The following GRM8 variants were observed in gnomAD, a reference collection of about 807,000 sequenced individuals.
The protein encoded by GRM8 is metabotropic glutamate receptor 8.
Under a neutral mutation model 87.2 loss-of-function variants are expected in GRM8, and 47 were observed. The observed-to-expected ratio is 0.54, with a 90% confidence interval of 0.43 to 0.69. The LOEUF (loss-of-function observed/expected upper bound fraction) is 0.69. Ranked by LOEUF, GRM8 falls within the 30% of genes least tolerant of loss-of-function variation. The probability of loss-of-function intolerance (pLI) is 0.00; values close to 1 mark genes in which losing one functional copy is unlikely to be tolerated. For synonymous variants in GRM8, 396 were observed against 404.5 expected (o/e 0.98, Z 0.25); for missense variants, 1,019 against 1,139.2 (o/e 0.89, Z 1.52).
At chr7:126,979,248 A>C (rs947321402) in intron 3 of GRM8, among the ~76,000 whole-genome samples, 1 of 151,814 alleles carries the variant, frequency 6.6e-6, no homozygotes, top group Non-Finnish European at 1.5e-5. Context: ...GCCAAGCTGC[A>C]GGGAGCTCAA....
chr7:126,909,788 G>T (rs554788654), intron 3 of GRM8, among the ~76,000 whole-genome samples: 3 of 152,134 alleles, frequency 2.0e-5, no homozygotes, highest in South Asian at 4.2e-4. Flanking sequence ...GAACTTGAAG[G>T]TTTGCATCAT....
At chr7:127,068,981 A>G (rs1821408280) in intron 3 of GRM8, among the ~76,000 whole-genome samples, 1 of 152,110 alleles carries the variant, frequency 6.6e-6, no homozygotes, top group South Asian at 2.1e-4. Flanking sequence ...ATCGCACCAG[A>G]ATTATAGGGC....
chr7:126,972,088 C>G (rs10231192), intron 3 of GRM8, among the ~76,000 whole-genome samples: 4,325 of 152,200 alleles, frequency 0.028, 199 homozygotes, highest in African/African-American at 0.098. Context: ...TCTAAAATTT[C>G]CACTTCCAAG....
intron 6 of GRM8, among the ~76,000 whole-genome samples, chr7:126,815,172 C>A (rs1027202805): frequency 1.3e-5 from 2 of 152,064 alleles, no homozygotes; most frequent in Non-Finnish European, 2.9e-5. Flanking sequence ...TTGTCCATGG[C>A]TGTCCAGTTC....
At chr7:126,900,514 T>C (rs988508426) in intron 6 of GRM8, among the ~76,000 whole-genome samples, 2 of 152,120 alleles carry the variant, frequency 1.3e-5, no homozygotes, top group African/African-American at 4.8e-5. Context: ...TGTTTTGTTT[T>C]GTTTTGTTTT....
chr7:127,191,538 T>C (rs930377134), intron 2 of GRM8, among the ~76,000 whole-genome samples: 5 of 152,206 alleles, frequency 3.3e-5, no homozygotes, highest in Non-Finnish European at 7.3e-5. Flanking sequence ...TGACTATCAC[T>C]CTGATGCCTT....
chr7:126,701,934 AT>A, intron 7 of GRM8: 3 of 386,346 alleles, frequency 7.8e-6, no homozygotes, highest in South Asian at 6.1e-5. Context: ...TAGTATAATT[AT>A]TAATCATGCT....
chr7:126,745,360 A>G (rs2151522125), intron 7 of GRM8, among the ~76,000 whole-genome samples: 1 of 120,442 alleles, frequency 8.3e-6, no homozygotes, highest in Middle Eastern at 4.2e-3. Flanking sequence ...GGTACTTACA[A>G]TTTCCATTGT....
At chr7:127,236,157 A>C (rs981020723) in intron 2 of GRM8, among the ~76,000 whole-genome samples, 2 of 152,088 alleles carry the variant, frequency 1.3e-5, no homozygotes, top group African/African-American at 4.8e-5. Context: ...TGTATGGTGA[A>C]AACATTTAAG....
At chr7:126,652,121 C>T (rs1258097226) in intron 7 of GRM8, among the ~76,000 whole-genome samples, 1 of 152,204 alleles carries the variant, frequency 6.6e-6, no homozygotes, top group Non-Finnish European at 1.5e-5. Flanking sequence ...TACACCTGTA[C>T]TAAGGAAATA....
At chr7:126,924,235 G>T (rs373609059) in intron 3 of GRM8, among the ~76,000 whole-genome samples, 2 of 152,196 alleles carry the variant, frequency 1.3e-5, no homozygotes, top group African/African-American at 2.4e-5. Flanking sequence ...TGGGATGCAA[G>T]TGATGAAAGA....
At chr7:127,134,187 A>G (rs1184980980) in intron 2 of GRM8, among the ~76,000 whole-genome samples, 1 of 152,244 alleles carries the variant, frequency 6.6e-6, no homozygotes, top group African/African-American at 2.4e-5. Context: ...TTATTATCAT[A>G]TACTCTATCA....
chr7:126,478,516 C>G (rs1333041776), intron 9 of GRM8, among the ~76,000 whole-genome samples: 1 of 151,876 alleles, frequency 6.6e-6, no homozygotes, highest in African/African-American at 2.4e-5. Context: ...AGTAAATAAT[C>G]TATTTAATTT....
At chr7:126,949,900 A>G (rs1013904187) in intron 3 of GRM8, among the ~76,000 whole-genome samples, 8 of 152,166 alleles carry the variant, frequency 5.3e-5, no homozygotes, top group Non-Finnish European at 1.2e-4. Flanking sequence ...GTCATGATGA[A>G]AATGCCTCCT....
chr7:126,945,877 T>G (rs1807480598), intron 3 of GRM8, among the ~76,000 whole-genome samples: 1 of 152,238 alleles, frequency 6.6e-6, no homozygotes, highest in Admixed American at 6.5e-5. Flanking sequence ...ATTAATAGTG[T>G]AACTTAGGGA....
intron 9 of GRM8, among the ~76,000 whole-genome samples, chr7:126,516,949 G>A (rs1163024801): frequency 6.6e-6 from 1 of 151,702 alleles, no homozygotes; most frequent in East Asian, 1.9e-4. Flanking sequence ...ATTAGAGTGT[G>A]GAGAATAGAA....
At chr7:126,671,915 G>T (rs1806423726) in intron 7 of GRM8, among the ~76,000 whole-genome samples, 1 of 152,024 alleles carries the variant, frequency 6.6e-6, no homozygotes, top group Admixed American at 6.6e-5. Flanking sequence ...CTTATGACAA[G>T]GAGTCCATGC....
chr7:126,514,151 G>A (rs1339569449), intron 9 of GRM8, among the ~76,000 whole-genome samples: 2 of 152,156 alleles, frequency 1.3e-5, no homozygotes, highest in African/African-American at 4.8e-5. Flanking sequence ...TGAGCATTTA[G>A]TGACTTAAAT....
At chr7:127,107,387 A>G (rs1275848083) in intron 2 of GRM8, among the ~76,000 whole-genome samples, 1 of 152,176 alleles carries the variant, frequency 6.6e-6, no homozygotes, top group Non-Finnish European at 1.5e-5. Context: ...TCTTTAGAAG[A>G]GACTATTTTT....
Sources: gnomAD v4.1 joint callset for allele counts (sites outside exome capture counted in the v4.1 genomes callset) on GRCh38, gnomAD v4.1.1 for gene constraint, MANE v1.5 for transcripts, NCBI Gene and HGNC (gene_info 2026-07-23, HGNC 2026-07-21) for gene names.